FMR1NB: variants seen among roughly 807,000 people sequenced by gnomAD.
The protein encoded by FMR1NB is FMR1 neighbor.
FMR1NB carries 10 observed loss-of-function variants against 16.8 expected under a neutral mutation model. The ratio of observed to expected loss-of-function variants is 0.60; its 90% CI spans 0.37 to 1.01. The LOEUF is 1.01. FMR1NB is among the 50% of genes least tolerant of loss of function. FMR1NB has a pLI of 0.01. For synonymous variants in FMR1NB, 83 were observed against 79.1 expected, an observed-to-expected ratio of 1.05 and a Z score of -0.26; for missense variants, 205 against 204.8, an observed-to-expected ratio of 1.00 and a Z score of 0.00.
At chrX:147,983,265 G>A (rs5904820) in intron 1 of FMR1NB, among the ~76,000 whole-genome samples, 30,078 of 111,023 alleles carry the variant, frequency 0.27, 3,397 homozygotes, top group East Asian at 0.59. Context: ...TTCTCTAGGA[G>A]TAGAATTGCT....
chrX:148,004,917 G>C (rs1231639829), intron 2 of FMR1NB, among the ~76,000 whole-genome samples: 2 of 112,471 alleles, frequency 1.8e-5, no homozygotes, highest in Non-Finnish European at 3.8e-5. Context: ...TTGAGACAGA[G>C]TCTCGCTCTG....
chrX:148,003,628 G>A (rs5904833), intron 2 of FMR1NB, among the ~76,000 whole-genome samples: 38,789 of 111,237 alleles, frequency 0.35, 5,364 homozygotes, highest in East Asian at 0.67. Flanking sequence ...TTCACAATTT[G>A]CCTGAATGGC....
chrX:148,016,512 CT>C (rs1317100061), intron 4 of FMR1NB, among the ~76,000 whole-genome samples: 1 of 111,182 alleles, frequency 9.0e-6, no homozygotes, highest in Non-Finnish European at 1.9e-5. Flanking sequence ...TTCTGGTGGC[CT>C]TGTGGTCTTC....
At chrX:148,012,242 G>A (rs1210644200) in intron 4 of FMR1NB, among the ~76,000 whole-genome samples, 1 of 111,724 alleles carries the variant, frequency 9.0e-6, no homozygotes, top group African/African-American at 3.3e-5. Context: ...GCCAGCGACA[G>A]TAGTCTCAAG....
intron 1 of FMR1NB, among the ~76,000 whole-genome samples, chrX:147,993,484 C>T (rs1288618492): frequency 1.8e-5 from 2 of 111,105 alleles, no homozygotes; most frequent in African/African-American, 6.6e-5. Context: ...TTTTCTTGTC[C>T]TTCAATCAAG....
chrX:148,005,970 T>G (rs2044594017), intron 2 of FMR1NB, among the ~76,000 whole-genome samples: 1 of 112,141 alleles, frequency 8.9e-6, no homozygotes, highest in African/African-American at 3.2e-5. Context: ...ATAGACATAC[T>G]GTGGAGGTTT....
chrX:147,996,205 T>C (rs2044540773), intron 1 of FMR1NB, among the ~76,000 whole-genome samples: 1 of 112,294 alleles, frequency 8.9e-6, no homozygotes, highest in Non-Finnish European at 1.9e-5. Context: ...AGTAATGATA[T>C]TAAATTTAAA....
Position 148,003,952 on chromosome X carries a change from T to G in FMR1NB, c.397+632T>G, listed in dbSNP as rs138211658. On this transcript the variant is annotated intron_variant, in intron 2 of 5. Transcript: ENST00000370467. ...GTGAAGTACAAAGATAAAGCTCTTA[T>G]GAAAAATCATGCAGAATTTATTCTA... Among the ~76,000 whole-genome samples the G allele has an allele frequency of 7.5e-3, 847 of 112,296 alleles. 7 individuals are homozygous for G. Among genetic ancestry groups the G allele is most frequent in the African/African-American group, 0.026 (819 of 30,941 alleles).
intron 2 of FMR1NB, among the ~76,000 whole-genome samples, chrX:148,003,796 G>T (rs2044582598): frequency 9.0e-6 from 1 of 111,206 alleles, no homozygotes; most frequent in Non-Finnish European, 1.9e-5. Flanking sequence ...CTGTCTTTTT[G>T]TGATTCTGTA....
chrX:148,013,882 T>C (rs1287193779), intron 4 of FMR1NB, among the ~76,000 whole-genome samples: 2 of 112,035 alleles, frequency 1.8e-5, no homozygotes, highest in African/African-American at 6.5e-5. Context: ...GCTAGAACCT[T>C]AGAGTCTTTG....
intron 4 of FMR1NB, 55 bp from the exon 5 acceptor site, chrX:148,024,810 T>G: frequency 8.5e-7 from 1 of 1,174,763 alleles, no homozygotes; most frequent in East Asian, 3.0e-5. Flanking sequence ...ACCCTCCCAT[T>G]GTTATTCTAT....
chrX:148,024,731 T>C, intron 4 of FMR1NB, 134 bp from the exon 5 acceptor site: 2 of 757,952 alleles, frequency 2.6e-6, no homozygotes, highest in Non-Finnish European at 1.9e-6. Context: ...TCGGATTTAT[T>C]AAATCTGGTG....
In FMR1NB at chrX:147,999,130, G is replaced by A. The variant is rs782155323; in HGVS notation, c.278-4071G>A. Among the ~76,000 whole-genome samples, 175 of 111,835 alleles carry A rather than the reference G, an allele frequency of 1.6e-3. 2 individuals are homozygous for A. The highest frequency in any genetic ancestry group is 2.7e-3 in the Non-Finnish European group (143 of 53,192). On this transcript the variant is annotated intron_variant, in intron 1 of 5. Transcript: ENST00000370467. ...TTCATGTCAAGCCAAGGGCAAGCCT[G>A]TCCAGCAGGGTCTGGAGGCTAGGGC...
At position 147,985,845 on chromosome X, in the gene FMR1NB, T is replaced by G. The variant is rs924168858; in HGVS notation, c.277+4166T>G. On this transcript the variant is annotated intron_variant, in intron 1 of 5. Transcript: ENST00000370467. ...TTGGGTATATACCCAGTAATGGGAT[T>G]GCTGGGTCAAATGGTATTTCTGGTT... is the stretch of plus-strand genomic sequence containing the variant. Among the ~76,000 whole-genome samples, 5 of 112,074 alleles carry G rather than the reference T, an allele frequency of 4.5e-5. No homozygotes were observed. The Admixed American group carries it at 4.7e-4, about 11-fold the overall frequency.
intron 5 of FMR1NB, among the ~76,000 whole-genome samples, chrX:148,025,736 A>G (rs781967272): frequency 4.8e-4 from 54 of 112,282 alleles, no homozygotes; most frequent in African/African-American, 1.7e-3. Flanking sequence ...ATACCATCAT[A>G]GATTTTTTGT....
intron 1 of FMR1NB, among the ~76,000 whole-genome samples, chrX:147,985,254 G>A (rs1290730465): frequency 9.0e-6 from 1 of 111,628 alleles, no homozygotes; most frequent in Non-Finnish European, 1.9e-5. Flanking sequence ...TAAATATTTG[G>A]TAGAAATTAC....
At chrX:148,007,377 C>T (rs1557189238) in intron 3 of FMR1NB, among the ~76,000 whole-genome samples, 1 of 111,967 alleles carries the variant, frequency 8.9e-6, no homozygotes, top group African/African-American at 3.2e-5. Context: ...GCAGCCTCGA[C>T]ATCCGGGGCT....
chrX:147,989,233 A>G (rs1014656935), intron 1 of FMR1NB, among the ~76,000 whole-genome samples: 3 of 111,793 alleles, frequency 2.7e-5, no homozygotes, highest in African/African-American at 9.8e-5. Context: ...TCCATTTGTT[A>G]GGTTTTCTTC....
chrX:148,018,921 C>T (rs1395300270), intron 4 of FMR1NB, among the ~76,000 whole-genome samples: 1 of 111,493 alleles, frequency 9.0e-6, no homozygotes, highest in African/African-American at 3.3e-5. Flanking sequence ...TCGCAACCTA[C>T]TCGTCTGACA....
Sources: gnomAD v4.1 joint callset for allele counts (sites outside exome capture counted in the v4.1 genomes callset) on GRCh38, gnomAD v4.1.1 for gene constraint, MANE v1.5 for transcripts, NCBI Gene and HGNC (gene_info 2026-07-23, HGNC 2026-07-21) for gene names.